PARD3B: variants seen among roughly 807,000 people sequenced by gnomAD.
The protein encoded by PARD3B is par-3 family cell polarity regulator beta, also known as partitioning defective 3 homolog B.
In PARD3B, 103 loss-of-function variants were observed where a neutral mutation model predicts 130.2. The observed-to-expected ratio is 0.79, with a 90% confidence interval of 0.67 to 0.93. PARD3B has a LOEUF of 0.93. PARD3B is among the 40% of genes least tolerant of loss of function. The probability of loss-of-function intolerance (pLI) is 0.00; values close to 1 mark genes in which losing one functional copy is unlikely to be tolerated. For missense variants in PARD3B, 1,609 were observed against 1,499.2 expected (o/e 1.07, Z -1.21); for synonymous variants, 583 against 553.2 (o/e 1.05, Z -0.76).
chr2:205,459,039 C>T (rs1489089724), intron 20 of PARD3B, among the ~76,000 whole-genome samples: 1 of 152,166 alleles, frequency 6.6e-6, no homozygotes, highest in African/African-American at 2.4e-5. Context: ...TTCTCAACTC[C>T]AATTCCTATC....
chr2:205,361,721 C>G (rs1188364541), intron 18 of PARD3B, among the ~76,000 whole-genome samples: 1 of 152,146 alleles, frequency 6.6e-6, no homozygotes, highest in Admixed American at 6.6e-5. Flanking sequence ...AAGCAATTTC[C>G]ATTTTGCTTT....
intron 10 of PARD3B, among the ~76,000 whole-genome samples, chr2:205,132,557 G>C (rs537467450): frequency 1.3e-5 from 2 of 152,108 alleles, no homozygotes; most frequent in Non-Finnish European, 2.9e-5. Flanking sequence ...GAACCCCCAA[G>C]TCTAGTTTAT....
chr2:204,721,601 G>A (rs1023720426), intron 2 of PARD3B, among the ~76,000 whole-genome samples: 6 of 152,008 alleles, frequency 3.9e-5, no homozygotes, highest in Non-Finnish European at 2.9e-5. Flanking sequence ...ACAATATTTC[G>A]ATGGCAAAGA....
chr2:204,799,250 T>C lies in PARD3B; in HGVS notation c.222+112968T>C, dbSNP rs1007365581. On this transcript the variant is annotated intron_variant, in intron 2 of 22. Transcript: ENST00000406610. The surrounding 1 kb of genome is among the most constrained non-coding windows in gnomAD (Gnocchi z 4.1). Reference sequence around the variant, plus strand: ...AGCCAGGCAGTACTTGCCCTGGGCCTGGGTCGCTGGTGGCTGCAGGGAAAC... The same window carrying C: ...AGCCAGGCAGTACTTGCCCTGGGCCCGGGTCGCTGGTGGCTGCAGGGAAAC... 7.2e-5 allele frequency among the ~76,000 whole-genome samples: 11 copies of C among 152,142 alleles called. No homozygotes were observed. The highest frequency in any genetic ancestry group is 2.4e-4 in the African/African-American group (10 of 41,446).
At chr2:204,597,712 T>A (rs2033356178) in intron 1 of PARD3B, among the ~76,000 whole-genome samples, 1 of 152,158 alleles carries the variant, frequency 6.6e-6, no homozygotes, top group Non-Finnish European at 1.5e-5. Context: ...GCCTGGTACA[T>A]TATAGGCACT....
chr2:204,903,958 T>A (rs1310221443), intron 2 of PARD3B, among the ~76,000 whole-genome samples: 3 of 152,234 alleles, frequency 2.0e-5, no homozygotes. Flanking sequence ...AATTTCTCTG[T>A]GCTGAGATAT....
intron 22 of PARD3B, among the ~76,000 whole-genome samples, chr2:205,613,362 C>G (rs530601635): frequency 6.6e-6 from 1 of 152,074 alleles, no homozygotes; most frequent in African/African-American, 2.4e-5. Flanking sequence ...TTGAGTGTAT[C>G]GGATATCTCC....
chr2:205,304,286 C>A (rs745403702), intron 18 of PARD3B, among the ~76,000 whole-genome samples: 9 of 152,120 alleles, frequency 5.9e-5, no homozygotes, highest in Non-Finnish European at 1.2e-4. Context: ...CTGCTATCAC[C>A]TGGGGTGAGG....
chr2:204,572,510 A>G (rs1237753453), intron 1 of PARD3B, among the ~76,000 whole-genome samples: 1 of 152,190 alleles, frequency 6.6e-6, no homozygotes, highest in African/African-American at 2.4e-5. Context: ...ATGATGATAA[A>G]TCTGACCACT....
intron 2 of PARD3B, among the ~76,000 whole-genome samples, chr2:204,744,532 T>C (rs905100334): frequency 1.3e-5 from 2 of 152,146 alleles, no homozygotes; most frequent in Admixed American, 6.6e-5. Flanking sequence ...TGCAGCTGAA[T>C]GTATGTTTTA....
At chr2:205,581,418 A>AAT (rs1553552491) in intron 22 of PARD3B, among the ~76,000 whole-genome samples, 31 of 86,434 alleles carry the variant, frequency 3.6e-4, no homozygotes, top group African/African-American at 5.3e-4. Context: ...AGTATATATA[A>AAT]ATATATAAAT....
chr2:205,199,726 A>G (rs2036887171), intron 15 of PARD3B, among the ~76,000 whole-genome samples: 1 of 152,134 alleles, frequency 6.6e-6, no homozygotes, highest in Non-Finnish European at 1.5e-5. Context: ...CCTCATACAT[A>G]GGAGAGAATG....
At chr2:204,938,704 A>G (rs1187995133) in intron 2 of PARD3B, among the ~76,000 whole-genome samples, 1 of 152,214 alleles carries the variant, frequency 6.6e-6, no homozygotes, top group Non-Finnish European at 1.5e-5. Flanking sequence ...ATTGAAGCAC[A>G]GGTTGGAGCC....
At chr2:204,579,234 C>T (rs892935365) in intron 1 of PARD3B, among the ~76,000 whole-genome samples, 4 of 152,064 alleles carry the variant, frequency 2.6e-5, no homozygotes, top group Non-Finnish European at 5.9e-5. Flanking sequence ...TTAAGATACA[C>T]TCATTTAATC....
At chr2:205,481,017 A>C (rs1283208051) in intron 20 of PARD3B, among the ~76,000 whole-genome samples, 1 of 152,232 alleles carries the variant, frequency 6.6e-6, no homozygotes, top group Admixed American at 6.5e-5. Context: ...AGTGAGAAAG[A>C]ATCTCTCTGT....
At chr2:205,307,505 A>T (rs765744628) in intron 18 of PARD3B, among the ~76,000 whole-genome samples, 120 of 152,160 alleles carry the variant, frequency 7.9e-4, no homozygotes, top group Non-Finnish European at 1.0e-3. Flanking sequence ...TTCCATACAT[A>T]TTGTGCTCTT....
chr2:204,988,390 T>TA (rs1403789949), intron 3 of PARD3B, among the ~76,000 whole-genome samples: 3 of 152,002 alleles, frequency 2.0e-5, no homozygotes, highest in Non-Finnish European at 4.4e-5. Flanking sequence ...GTTAATGGTA[T>TA]AAAAAATAGA....
chr2:205,595,280 T>C (rs988749977), intron 22 of PARD3B, among the ~76,000 whole-genome samples: 12 of 152,164 alleles, frequency 7.9e-5, no homozygotes, highest in African/African-American at 2.9e-4. Context: ...CCAGAACAGG[T>C]GGGCAGGTTT....
At chr2:205,387,436 A>T (rs1044806977) in intron 18 of PARD3B, among the ~76,000 whole-genome samples, 1 of 152,184 alleles carries the variant, frequency 6.6e-6, no homozygotes, top group African/African-American at 2.4e-5. Flanking sequence ...TTACTTTTAT[A>T]GAACTGAGAT....
Sources: allele counts gnomAD v4.1 joint callset (sites outside exome capture counted in the v4.1 genomes callset), GRCh38; gene constraint gnomAD v4.1.1; non-coding constraint Gnocchi (gnomAD v3.1); transcripts MANE v1.5; gene names NCBI Gene and HGNC (gene_info 2026-07-23, HGNC 2026-07-21).